Variants in SULF1 observed in about 807,000 individuals in gnomAD.
SULF1 encodes extracellular sulfatase Sulf-1.
SULF1 carries 46 observed loss-of-function variants against 110.5 expected under a neutral mutation model. The observed-to-expected ratio is 0.42, with a 90% CI of 0.33 to 0.53. SULF1 has a LOEUF of 0.53. Among genes scored for constraint, SULF1 ranks in the 20% least tolerant of loss-of-function variants. The pLI is 0.12. For synonymous variants in SULF1, 371 were observed against 387.1 expected, an observed-to-expected ratio of 0.96 and a Z score of 0.49; for missense variants, 941 against 1,094.2, an observed-to-expected ratio of 0.86 and a Z score of 1.98.
intron 6 of SULF1, among the ~76,000 whole-genome samples, chr8:69,580,909 T>C (rs972749514): frequency 2.0e-5 from 3 of 152,216 alleles, no homozygotes; most frequent in African/African-American, 7.2e-5. Flanking sequence ...ATGTTACTTA[T>C]AGCAAGTATA....
intron 3 of SULF1, among the ~76,000 whole-genome samples, chr8:69,554,550 G>A (rs999873803): frequency 6.6e-6 from 1 of 151,866 alleles, no homozygotes; most frequent in African/African-American, 2.4e-5. Context: ...AACTAACACA[G>A]ATGTCATAAA....
chr8:69,622,281 T>C (rs975125465), intron 14 of SULF1, among the ~76,000 whole-genome samples: 1 of 152,134 alleles, frequency 6.6e-6, no homozygotes, highest in Non-Finnish European at 1.5e-5. Context: ...GATATCAAAT[T>C]TCTGAAAATC....
intron 8 of SULF1, among the ~76,000 whole-genome samples, chr8:69,597,744 A>T (rs1389236982): frequency 6.6e-6 from 1 of 152,166 alleles, no homozygotes; most frequent in Non-Finnish European, 1.5e-5. Flanking sequence ...AAAAAAGTCA[A>T]CCAGATTTAT....
chr8:69,647,994 C>T (rs1812058609), intron 22 of SULF1, among the ~76,000 whole-genome samples: 1 of 151,318 alleles, frequency 6.6e-6, no homozygotes, highest in Non-Finnish European at 1.5e-5. Flanking sequence ...TGGATACTAG[C>T]AGGACGCCAA....
At chr8:69,475,446 G>A (rs925755481) in intron 1 of SULF1, among the ~76,000 whole-genome samples, 1 of 152,134 alleles carries the variant, frequency 6.6e-6, no homozygotes, top group African/African-American at 2.4e-5. Context: ...TCCCATCGAC[G>A]CAGTGGGAAT....
At chr8:69,469,863 G>A (rs1040702799) in intron 1 of SULF1, among the ~76,000 whole-genome samples, 1 of 152,182 alleles carries the variant, frequency 6.6e-6, no homozygotes, top group African/African-American at 2.4e-5. Context: ...CCAACATGGT[G>A]AAACCCCAAG....
chr8:69,628,223 C>T lies in SULF1; in HGVS notation c.2095C>T (p.Leu699Phe), dbSNP rs1403460439. 6.2e-7 allele frequency: 1 copy of T among 1,613,848 alleles called. No individual in the cohort carries two copies. The highest frequency in any genetic ancestry group is 1.7e-5 in the Admixed American group (1 of 60,016). The change falls in exon 18 of 23, where the codon CTT (leucine) becomes TTT (phenylalanine). Residue 699 changes from leucine to phenylalanine, a missense_variant. Coordinates refer to ENST00000402687, the MANE Select transcript of SULF1 (RefSeq NM_001128205.2). ...AAAGCAAGAGAAATTAAAGAGCCAT[C>T]TTCACCCATTCAAGTAAGTAACTCT... The part of the protein sequence containing the change: ...VKKQEKLKSH[L>F]HPFKEAAQEV...
intron 6 of SULF1, among the ~76,000 whole-genome samples, chr8:69,583,445 G>A (rs1211234329): frequency 6.6e-6 from 1 of 151,358 alleles, no homozygotes; most frequent in African/African-American, 2.4e-5. Flanking sequence ...GTGGTGGCGT[G>A]TGCCTGTAGT....
At chr8:69,651,659 T>C (rs1208716342) in intron 22 of SULF1, among the ~76,000 whole-genome samples, 4 of 152,188 alleles carry the variant, frequency 2.6e-5, no homozygotes, top group Non-Finnish European at 2.9e-5. Context: ...TATTATTGTG[T>C]ATTATATTAA....
chr8:69,515,428 G>A (rs995890697), intron 3 of SULF1, among the ~76,000 whole-genome samples: 2 of 152,168 alleles, frequency 1.3e-5, no homozygotes, highest in Admixed American at 6.5e-5. Flanking sequence ...GGGCTGCATA[G>A]AACAGTGGGG....
chr8:69,603,781 A>T, intron 12 of SULF1, 125 bp downstream of exon 12: 1 of 711,740 alleles, frequency 1.4e-6, no homozygotes, highest in Non-Finnish European at 2.6e-6. Flanking sequence ...TAGTCACAAG[A>T]TTGAATGGTT....
chr8:69,552,444 A>G (rs745443646), intron 3 of SULF1, among the ~76,000 whole-genome samples: 101 of 152,376 alleles, frequency 6.6e-4, no homozygotes, highest in Non-Finnish European at 1.1e-3. Context: ...TTATTCTCCA[A>G]TAAAACTAAT....
chr8:69,583,289 C>T (rs910750546), intron 6 of SULF1, among the ~76,000 whole-genome samples: 2 of 151,952 alleles, frequency 1.3e-5, no homozygotes, highest in South Asian at 2.1e-4. Flanking sequence ...TTTGATTGGG[C>T]GCAGCGCCTC....
intron 22 of SULF1, among the ~76,000 whole-genome samples, chr8:69,646,015 G>A (rs1245399296): frequency 6.6e-6 from 1 of 152,076 alleles, no homozygotes; most frequent in Non-Finnish European, 1.5e-5. Context: ...AAGCTAAAAT[G>A]TCAAAAATTC....
intron 3 of SULF1, among the ~76,000 whole-genome samples, chr8:69,520,112 T>TACACAC (rs34036903): frequency 1.0e-3 from 140 of 137,134 alleles, no homozygotes; most frequent in African/African-American, 1.3e-3. Flanking sequence ...AAATTCCAGT[T>TACACAC]ACACACACAC....
intron 3 of SULF1, among the ~76,000 whole-genome samples, chr8:69,505,827 T>G (rs1457665580): frequency 2.0e-5 from 3 of 152,074 alleles, no homozygotes; most frequent in Non-Finnish European, 4.4e-5. Flanking sequence ...GACAATTTAT[T>G]ACACAGAATA....
At chr8:69,556,968 G>A (rs1363014501) in intron 3 of SULF1, among the ~76,000 whole-genome samples, 3 of 152,048 alleles carry the variant, frequency 2.0e-5, no homozygotes, top group Non-Finnish European at 2.9e-5. Context: ...TCCCCCACAT[G>A]GGTCCATGTG....
At chr8:69,626,794 C>T (rs973069834) in intron 15 of SULF1, among the ~76,000 whole-genome samples, 1 of 152,234 alleles carries the variant, frequency 6.6e-6, no homozygotes, top group Non-Finnish European at 1.5e-5. Context: ...CACGCCCATC[C>T]GGAACTCCAG....
At chr8:69,595,179 A>T (rs192190522) in intron 8 of SULF1, among the ~76,000 whole-genome samples, 2 of 152,326 alleles carry the variant, frequency 1.3e-5, no homozygotes, top group African/African-American at 4.8e-5. Flanking sequence ...CCCAAAGTCT[A>T]TATTTTTTAA....
Sources: allele counts gnomAD v4.1 joint callset (sites outside exome capture counted in the v4.1 genomes callset), GRCh38; gene constraint gnomAD v4.1.1; transcripts MANE v1.5; gene names NCBI Gene and HGNC (gene_info 2026-07-23, HGNC 2026-07-21).